The following HCRT variants were observed in gnomAD, a reference collection of about 807,000 sequenced individuals.
HCRT encodes hypocretin neuropeptide precursor, also known as hypocretin (orexin) neuropeptide.
A neutral mutation model predicts 5.7 loss-of-function variants in HCRT; 5 were observed. The observed-to-expected ratio is 0.87, with a 90% CI of 0.45 to 1.83. The LOEUF is 1.83. Among genes scored for constraint, HCRT ranks in the 40% most tolerant of loss-of-function variants. HCRT has a pLI of 0.02. For missense variants in HCRT, 207 were observed against 191.8 expected (o/e 1.08, Z -0.47); for synonymous variants, 114 against 99.0 (o/e 1.15, Z -0.90).
chr17:42,184,353 A>T lies in HCRT; in HGVS notation c.197T>A (p.Leu66Gln). The change falls in exon 2 of 2, where the codon CTG becomes CAG. Residue 66 changes from leucine to glutamine, a missense_variant. Transcript: ENST00000293330. ...AGNHAAGILT[L>Q]GKRRSGPPGL... ...CGGGGGCCCGGACCTCCGCTTGCCC[A>T]GCGTGAGGATGCCGGCCGCGTGATT... is the stretch of plus-strand genomic sequence containing the variant. 1 of 1,587,306 alleles carries T rather than the reference A, an allele frequency of 6.3e-7. No individual in the cohort carries two copies. Among genetic ancestry groups the T allele is most frequent in the South Asian group, 1.1e-5 (1 of 88,630 alleles).
intron 1 of HCRT, 118 bp from the exon 2 acceptor site, chr17:42,184,646 G>A: frequency 1.5e-6 from 2 of 1,373,098 alleles, no homozygotes; most frequent in African/African-American, 1.5e-5. Context: ...CTCCTTTCTG[G>A]CTGTCACTTA....
At chr17:42,184,729 T>G (rs2079925178) in intron 1 of HCRT, among the ~76,000 whole-genome samples, 8 of 152,152 alleles carry the variant, frequency 5.3e-5, no homozygotes, top group Admixed American at 5.2e-4. Flanking sequence ...CAGCAGAGCA[T>G]CTCCCCCAGG....
rs751055326 is a variant in HCRT, at chr17:42,185,375, C to A, written c.-10G>T. On this transcript the variant is annotated 5_prime_UTR_variant, in exon 1 of 2. Transcript: ENST00000293330. ...TGGAAGGAAGGTTCATGGTGTCTGG[C>A]GCTCAGGGTGGGGTAGCCGGGAAAG... is the stretch of plus-strand genomic sequence containing the variant. The A allele has an allele frequency of 6.2e-7, 1 of 1,613,940 alleles. No homozygotes were observed. Among genetic ancestry groups the A allele is most frequent in the African/African-American group, 1.3e-5 (1 of 75,018 alleles).
rs1202994832 is a variant in HCRT, at chr17:42,184,381, C to A, written c.169G>T (p.Gly57Cys). ...CRLYELLHGA[G>C]NHAAGILTLG... The stretch of plus-strand genomic sequence containing the variant: ...GTGAGGATGCCGGCCGCGTGATTGC[C>A]CGCGCCGTGCAGCAGCTCGTAGAGG... Residue 57 changes from glycine (G) to cysteine (C), a missense_variant, in exon 2 of 2, where the codon GGC becomes TGC. Physicochemically the swap from Gly to Cys is radical, Grantham distance 159 (BLOSUM62 -3). Transcript: ENST00000293330. The A allele has an allele frequency of 6.3e-7, 1 of 1,598,410 alleles. No homozygotes were observed. Among genetic ancestry groups the A allele is most frequent in the East Asian group, 2.3e-5 (1 of 44,394 alleles).
At position 42,184,544 on chromosome 17, in the gene HCRT, C is replaced by A. The variant is rs1330794399; in HGVS notation, c.22-16G>T. On this transcript the variant is annotated splice_polypyrimidine_tract_variant and intron_variant, in intron 1 of 1. Transcript: ENST00000293330. ...CCCAGGAGACCTAGGGAGACGGAGACAGGGCGCTGGGGGGGTCTTCCCACG... is the reference window on the plus strand; with the variant it reads ...CCCAGGAGACCTAGGGAGACGGAGAAAGGGCGCTGGGGGGGTCTTCCCACG... 2.0e-6 allele frequency: 3 copies of A among 1,514,054 alleles called. No individual in the cohort carries two copies. Among genetic ancestry groups the A allele is most frequent in the Non-Finnish European group, 2.6e-6 (3 of 1,134,964 alleles). 93.8% of individuals were successfully genotyped at this position (1,514,054 alleles called of 1,614,324 possible). A position where few individuals can be genotyped will look rare whatever the true frequency, so the allele number is the denominator to read the frequency against.
In HCRT at chr17:42,184,325, G is replaced by A. The variant is rs780290109; in HGVS notation, c.225C>T (p.Gly75=). Residue 75 remains glycine (G), a synonymous_variant, in exon 2 of 2, where the codon GGC becomes GGT. Coordinates refer to ENST00000293330, the MANE Select transcript of HCRT (RefSeq NM_001524.1). ...GGAGGCGCTGCAGCCGACCCTGGAG[G>A]CCCGGGGGCCCGGACCTCCGCTTGC... ...TLGKRRSGPP[G]LQGRLQRLLQ... 2 of 1,551,918 alleles carry A rather than the reference G, an allele frequency of 1.3e-6. No homozygotes were observed. The highest frequency in any genetic ancestry group is 4.9e-5 in the East Asian group (2 of 41,098).
Position 42,184,123 on chromosome 17 carries a change from G to A in HCRT, c.*31C>T. On this transcript the variant is annotated 3_prime_UTR_variant, in exon 2 of 2. Coordinates refer to ENST00000293330, the MANE Select transcript of HCRT (RefSeq NM_001524.1). The stretch of plus-strand genomic sequence containing the variant: ...GACGCTGGGTGGGCAGAGGGCAGAG[G>A]CCTGGGCCAGGACAGGGCCCGAAGA... The A allele has an allele frequency of 7.9e-7, 1 of 1,268,882 alleles. No homozygotes were observed. The highest frequency in any genetic ancestry group is 9.9e-7 in the Non-Finnish European group (1 of 1,005,104). 78.6% of individuals were successfully genotyped at this position (1,268,882 alleles called of 1,614,324 possible).
rs1438252070 is a variant in HCRT, at chr17:42,184,409, G to C, written c.141C>G (p.Cys47Trp). ...CGCCGTGCAGCAGCTCGTAGAGGCG[G>C]CAAGAGCAAGTCTTTTGACGACAGC... ...PDCCRQKTCS[C>W]RLYELLHGAG... Residue 47 changes from cysteine (C) to tryptophan (W), a missense_variant, in exon 2 of 2, where the codon TGC (cysteine) becomes TGG (tryptophan). Cys to Trp is a radical substitution (Grantham distance 215). Coordinates refer to ENST00000293330, the MANE Select transcript of HCRT (RefSeq NM_001524.1). The C allele has an allele frequency of 6.2e-7, 1 of 1,601,616 alleles. No individual in the cohort carries two copies. Among genetic ancestry groups the C allele is most frequent in the Non-Finnish European group, 8.5e-7 (1 of 1,177,798 alleles).
chr17:42,184,395 A>C lies in HCRT; in HGVS notation c.155T>G (p.Leu52Arg), dbSNP rs2079923339. 1 of 1,601,568 alleles carries C rather than the reference A, an allele frequency of 6.2e-7. No individual in the cohort carries two copies. Among genetic ancestry groups the C allele is most frequent in the South Asian group, 1.1e-5 (1 of 90,360 alleles). Residue 52 changes from leucine to arginine, a missense_variant, in exon 2 of 2, where the codon CTG (leucine) becomes CGG (arginine). By Grantham distance (102) the Leu-to-Arg change is moderately radical (BLOSUM62 -2). Coordinates refer to ENST00000293330, the MANE Select transcript of HCRT (RefSeq NM_001524.1). ...QKTCSCRLYE[L>R]LHGAGNHAAG... ...CGCGTGATTGCCCGCGCCGTGCAGC[A>C]GCTCGTAGAGGCGGCAAGAGCAAGT...
Position 42,184,181 on chromosome 17 carries a change from G to T in HCRT, c.369C>A (p.Val123=), listed in dbSNP as rs2079921793. ...AGATCCCGGACTGTCCTCCGGGCGC[G>T]ACGGAGGCGGCGGCCGGGGCGGAAC... ...RRCSAPAAAS[V]APGGQSGI is the part of the protein sequence containing the mutation. Residue 123 remains valine, a synonymous_variant, in exon 2 of 2, where the codon GTC becomes GTA. Coordinates refer to ENST00000293330, the MANE Select transcript of HCRT (RefSeq NM_001524.1). 5 of 1,283,602 alleles carry T rather than the reference G, an allele frequency of 3.9e-6. No individual in the cohort carries two copies. Among genetic ancestry groups the T allele is most frequent in the Admixed American group, 8.4e-5 (2 of 23,918 alleles). 79.5% of individuals were successfully genotyped at this position (1,283,602 alleles called of 1,614,324 possible). A position where few individuals can be genotyped will look rare whatever the true frequency, so the allele number is the denominator to read the frequency against.
Position 42,184,197 on chromosome 17 carries a change from G to A in HCRT, c.353C>T (p.Pro118Leu), listed in dbSNP as rs1238630520. The change falls in exon 2 of 2, where the codon CCG becomes CTG. Residue 118 changes from proline to leucine, a missense_variant. Pro to Leu is a moderately conservative substitution (Grantham distance 98, BLOSUM62 -3). Coordinates refer to ENST00000293330, the MANE Select transcript of HCRT (RefSeq NM_001524.1). ...RPCLGRRCSA[P>L]AAASVAPGGQ... ...TCCGGGCGCGACGGAGGCGGCGGCC[G>A]GGGCGGAACAGCGGCGCCCGAGGCA... is the stretch of plus-strand genomic sequence containing the variant. 1.6e-6 allele frequency: 2 copies of A among 1,281,628 alleles called. No homozygotes were observed. The highest frequency in any genetic ancestry group is 3.1e-5 in the South Asian group (1 of 32,242). 79.4% of individuals were successfully genotyped at this position (1,281,628 alleles called of 1,614,324 possible).
Position 42,185,120 on chromosome 17 carries a change from G to A in HCRT, c.21+225C>T, listed in dbSNP as rs570273030. On this transcript the variant is annotated intron_variant, in intron 1 of 1. Coordinates refer to ENST00000293330, the MANE Select transcript of HCRT (RefSeq NM_001524.1). ...GGCTGTTGGGAGGATGACAAGAGAT[G>A]ACAGGTGCAAACGGAGCACCTGACA... 2.6e-5 allele frequency among the ~76,000 whole-genome samples: 4 copies of A among 152,318 alleles called. No homozygotes were observed. The South Asian group carries it at 8.3e-4, about 32-fold the overall frequency.
rs896739180 is a variant in HCRT, at chr17:42,184,260, A to T, written c.290T>A (p.Met97Lys). 4 of 1,392,150 alleles carry T rather than the reference A, an allele frequency of 2.9e-6. No individual in the cohort carries two copies. Among genetic ancestry groups the T allele is most frequent in the South Asian group, 1.6e-5 (1 of 62,934 alleles). The allele number at this position is 1,392,150 out of a possible 1,614,324, so 86.2% of individuals were successfully genotyped here. A position where few individuals can be genotyped will look rare whatever the true frequency, so the allele number is the denominator to read the frequency against. Reference protein sequence around the residue: ...SGNHAAGILTMGRRAGAEPAP... With the variant: ...SGNHAAGILTKGRRAGAEPAP... Reference sequence around the variant, plus strand: ...TGGCTCTGCGCCTGCGCGGCGGCCCATGGTCAGGATGCCCGCGGCGTGGTT... The same window carrying T: ...TGGCTCTGCGCCTGCGCGGCGGCCCTTGGTCAGGATGCCCGCGGCGTGGTT... The change falls in exon 2 of 2, where the codon ATG (methionine) becomes AAG (lysine). Residue 97 changes from methionine (M) to lysine (K), a missense_variant. By Grantham distance (95) the Met-to-Lys change is moderately conservative. Coordinates refer to ENST00000293330, the MANE Select transcript of HCRT (RefSeq NM_001524.1).
At chr17:42,184,922 G>C (rs2079925933) in intron 1 of HCRT, among the ~76,000 whole-genome samples, 2 of 152,154 alleles carry the variant, frequency 1.3e-5, no homozygotes, top group South Asian at 4.1e-4. Context: ...CTCCACAGCA[G>C]GGAAACACAT....
intron 1 of HCRT, 128 bp downstream of exon 1, chr17:42,185,217 T>C: frequency 1.1e-6 from 1 of 877,380 alleles, no homozygotes; most frequent in Admixed American, 2.0e-5. Context: ...CAGGTGCTCC[T>C]GCCTCAGAGC....
chr17:42,184,202 G>A lies in HCRT; in HGVS notation c.348C>T (p.Ser116=), dbSNP rs765363265. 67 of 1,287,572 alleles carry A rather than the reference G, an allele frequency of 5.2e-5. No individual in the cohort carries two copies. The highest frequency in any genetic ancestry group is 5.1e-4 in the African/African-American group (33 of 64,462). 79.8% of individuals were successfully genotyped at this position (1,287,572 alleles called of 1,614,324 possible). A position where few individuals can be genotyped will look rare whatever the true frequency, so the allele number is the denominator to read the frequency against. ...GCGCGACGGAGGCGGCGGCCGGGGC[G>A]GAACAGCGGCGCCCGAGGCAGGGGC... ...APRPCLGRRC[S]APAAASVAPG... is the part of the protein sequence containing the mutation. The change falls in exon 2 of 2, where the codon TCC becomes TCT. Residue 116 remains serine, a synonymous_variant. Coordinates refer to ENST00000293330, the MANE Select transcript of HCRT (RefSeq NM_001524.1).
Sources: allele counts gnomAD v4.1 joint callset (sites outside exome capture counted in the v4.1 genomes callset), GRCh38; gene constraint gnomAD v4.1.1; transcripts MANE v1.5; gene names NCBI Gene and HGNC (gene_info 2026-07-23, HGNC 2026-07-21).